The following SRPK2 variants were observed in gnomAD, a reference collection of about 807,000 sequenced individuals.
SRPK2 encodes SRSF protein kinase 2.
Under a neutral mutation model 90.8 loss-of-function variants are expected in SRPK2, and 21 were observed. That is an observed-to-expected ratio of 0.23 (90% CI 0.16 to 0.33). The LOEUF (loss-of-function observed/expected upper bound fraction) is 0.33. Among genes scored for constraint, SRPK2 ranks in the 10% least tolerant of loss-of-function variants. The pLI is 1.00. For synonymous variants in SRPK2, 288 were observed against 311.1 expected, an observed-to-expected ratio of 0.93 and a Z score of 0.78; for missense variants, 620 against 869.0, an observed-to-expected ratio of 0.71 and a Z score of 3.60.
intron 2 of SRPK2, among the ~76,000 whole-genome samples, chr7:105,217,915 A>T (rs1585215322): frequency 6.6e-6 from 1 of 152,302 alleles, no homozygotes; most frequent in African/African-American, 2.4e-5. Context: ...TTCCCAGGGG[A>T]TACAATAGCA....
intron 2 of SRPK2, among the ~76,000 whole-genome samples, chr7:105,221,993 A>C (rs1231220495): frequency 6.6e-6 from 1 of 152,192 alleles, no homozygotes; most frequent in Non-Finnish European, 1.5e-5. Context: ...TTCTCCTATC[A>C]TTAAAAACAC....
intron 3 of SRPK2, among the ~76,000 whole-genome samples, chr7:105,187,664 A>T (rs1209422142): frequency 6.6e-6 from 1 of 152,174 alleles, no homozygotes; most frequent in Non-Finnish European, 1.5e-5. Flanking sequence ...CCACCATCTC[A>T]GTGTGTTACC....
intron 2 of SRPK2, among the ~76,000 whole-genome samples, chr7:105,381,806 G>A (rs1280261309): frequency 6.6e-6 from 1 of 152,248 alleles, no homozygotes; most frequent in South Asian, 2.1e-4. Flanking sequence ...TTATACTACA[G>A]GGAAGTATAA....
chr7:105,244,703 AC>A, intron 2 of SRPK2: 1 of 1,151,198 alleles, frequency 8.7e-7, no homozygotes, highest in Non-Finnish European at 1.3e-6. Flanking sequence ...CCAAAAGGTG[AC>A]CAAGAACGTG....
At chr7:105,291,642 A>G (rs1054152208) in intron 2 of SRPK2, among the ~76,000 whole-genome samples, 2 of 152,194 alleles carry the variant, frequency 1.3e-5, no homozygotes, top group Non-Finnish European at 2.9e-5. Context: ...AGGCACAAGA[A>G]TTGCTTGAAC....
chr7:105,231,445 G>T (rs10953470), intron 2 of SRPK2, among the ~76,000 whole-genome samples: 109,359 of 152,092 alleles, frequency 0.72, 39,826 homozygotes, highest in African/African-American at 0.83. Context: ...ATAAGATTGC[G>T]GAGTCGAATG....
At chr7:105,262,502 CATCTTCTTTAT>C (rs1804442358) in intron 2 of SRPK2, among the ~76,000 whole-genome samples, 1 of 152,204 alleles carries the variant, frequency 6.6e-6, no homozygotes, top group Non-Finnish European at 1.5e-5. Context: ...CCAAACCAAG[CATCTTCTTTAT>C]ATATTTTACA....
chr7:105,133,059 C>T lies in SRPK2; in HGVS notation c.1589G>A (p.Arg530Gln), dbSNP rs765069789. The T allele has an allele frequency of 2.0e-5, 32 of 1,613,992 alleles. No homozygotes were observed. Among genetic ancestry groups the T allele is most frequent in the African/African-American group, 2.7e-5 (2 of 74,912 alleles). Residue 530 changes from arginine (R) to glutamine (Q), a missense_variant, in exon 12 of 16, where the codon CGG (arginine) becomes CAG (glutamine). Transcript: ENST00000393651. ...TTTTACTCTAATTTTATCTGCATTC[C>T]GCGGATCCAGGGGATTCACCAACAA... The part of the protein sequence containing the change: ...ADLLVNPLDP[R>Q]NADKIRVKIA...
chr7:105,305,693 G>A (rs545529444), intron 2 of SRPK2, among the ~76,000 whole-genome samples: 2 of 152,224 alleles, frequency 1.3e-5, no homozygotes, highest in East Asian at 1.9e-4. Context: ...AGTGGCTGGG[G>A]TCCCTGAATT....
intron 3 of SRPK2, among the ~76,000 whole-genome samples, chr7:105,192,435 T>C (rs1794411343): frequency 1.3e-5 from 2 of 152,258 alleles, no homozygotes; most frequent in African/African-American, 4.8e-5. Flanking sequence ...AGTTTCTTTA[T>C]CCACTCATTT....
chr7:105,362,128 G>GA (rs758510982), intron 2 of SRPK2, among the ~76,000 whole-genome samples: 8 of 151,570 alleles, frequency 5.3e-5, no homozygotes, highest in African/African-American at 2.4e-5. Flanking sequence ...AAATTTACCA[G>GA]AAAAAAAATC....
intron 2 of SRPK2, among the ~76,000 whole-genome samples, chr7:105,313,123 C>A (rs147292586): frequency 9.5e-4 from 144 of 152,028 alleles, no homozygotes; most frequent in Middle Eastern, 3.4e-3. Context: ...AAAGTTAGGA[C>A]TTACTTTTGT....
chr7:105,324,013 G>T (rs1229929007), intron 2 of SRPK2, among the ~76,000 whole-genome samples: 1 of 143,370 alleles, frequency 7.0e-6, no homozygotes. Context: ...GTGTGTGTGT[G>T]TGTGGTGGAG....
chr7:105,222,090 T>C (rs1798162433), intron 2 of SRPK2, among the ~76,000 whole-genome samples: 1 of 152,230 alleles, frequency 6.6e-6, no homozygotes, highest in African/African-American at 2.4e-5. Context: ...TTGGGAAGAT[T>C]GTATATACTG....
chr7:105,322,066 G>C (rs1386407839), intron 2 of SRPK2, among the ~76,000 whole-genome samples: 1 of 152,110 alleles, frequency 6.6e-6, no homozygotes, highest in Non-Finnish European at 1.5e-5. Context: ...CAAATGAATG[G>C]ATGAACAAAT....
At chr7:105,122,855 ACT>A (rs1269807710) in intron 15 of SRPK2, among the ~76,000 whole-genome samples, 1 of 149,208 alleles carries the variant, frequency 6.7e-6, no homozygotes, top group Non-Finnish European at 1.5e-5. Context: ...ATCCCAACAC[ACT>A]CGATGCTGTC....
intron 2 of SRPK2, among the ~76,000 whole-genome samples, chr7:105,380,211 A>C (rs1169127807): frequency 6.6e-6 from 1 of 152,170 alleles, no homozygotes; most frequent in Non-Finnish European, 1.5e-5. Flanking sequence ...AGCTCAAAGC[A>C]ACCTCTATCT....
chr7:105,215,607 A>C (rs1045361941), intron 2 of SRPK2, among the ~76,000 whole-genome samples: 21 of 152,336 alleles, frequency 1.4e-4, no homozygotes, highest in Non-Finnish European at 2.2e-4. Flanking sequence ...ATGAATGGAT[A>C]AATTAAAATG....
intron 3 of SRPK2, among the ~76,000 whole-genome samples, chr7:105,191,478 A>G (rs1794271520): frequency 6.6e-6 from 1 of 152,178 alleles, no homozygotes; most frequent in Non-Finnish European, 1.5e-5. Flanking sequence ...GGATAGCTTG[A>G]GCCTGGGAGG....
Sources: gnomAD v4.1 joint callset for allele counts (sites outside exome capture counted in the v4.1 genomes callset) on GRCh38, gnomAD v4.1.1 for gene constraint, MANE v1.5 for transcripts, NCBI Gene and HGNC (gene_info 2026-07-23, HGNC 2026-07-21) for gene names.